TMEM181: variants seen among roughly 807,000 people sequenced by gnomAD.
TMEM181 encodes the protein transmembrane protein 181, also known as G protein-coupled receptor 178.
In TMEM181, 39 loss-of-function variants were observed where a neutral mutation model predicts 71.9. The ratio of observed to expected loss-of-function variants is 0.54; its 90% CI spans 0.42 to 0.71. The LOEUF (loss-of-function observed/expected upper bound fraction) is 0.71, where lower values mean the gene tolerates loss of function less well. Ranked by LOEUF, TMEM181 falls within the 30% of genes least tolerant of loss-of-function variation. TMEM181 has a pLI of 0.00. For missense variants in TMEM181, 595 were observed against 583.0 expected (o/e 1.02, Z -0.21); for synonymous variants, 245 against 228.8 (o/e 1.07, Z -0.64).
Position 158,580,810 on chromosome 6 carries a change from C to T in TMEM181, c.113-130C>T, listed in dbSNP as rs537030254. On this transcript the variant is annotated intron_variant, in intron 2 of 16. Transcript: ENST00000684151. ...ATCTTCTACTTACACATTGTATAAT[C>T]TCTAAAGAAAAACCAGGTGAATTAA... 1.8e-5 allele frequency: 13 copies of T among 731,834 alleles called. No individual in the cohort carries two copies. In the African/African-American group the frequency reaches 2.1e-4, roughly 12 times the overall value. The allele number at this position is 731,834 out of a possible 1,614,324, so 45.3% of individuals were successfully genotyped here. A position where few individuals can be genotyped will look rare whatever the true frequency, so the allele number is the denominator to read the frequency against.
At chr6:158,572,759 C>A (rs1782935267) in intron 1 of TMEM181, among the ~76,000 whole-genome samples, 1 of 152,268 alleles carries the variant, frequency 6.6e-6, no homozygotes, top group South Asian at 2.1e-4. Context: ...GTGAGTTTCC[C>A]TGTCTGTGTA....
intron 4 of TMEM181, 54 bp downstream of exon 4, chr6:158,584,098 T>G: frequency 1.4e-6 from 2 of 1,429,058 alleles, no homozygotes; most frequent in African/African-American, 1.4e-5. Context: ...AAACATCGTA[T>G]TTTAGATGTT....
At chr6:158,604,261 T>G (rs983190577) in intron 6 of TMEM181, among the ~76,000 whole-genome samples, 1 of 152,230 alleles carries the variant, frequency 6.6e-6, no homozygotes, top group Admixed American at 6.5e-5. Context: ...TTGTTTCCCA[T>G]CAGTCAGAGG....
rs184583636 is a variant in TMEM181 at position 158,596,245 on chromosome 6, G to A, written c.492+6463G>A. Among the ~76,000 whole-genome samples the A allele has an allele frequency of 1.3e-4, 20 of 152,242 alleles. No individual in the cohort carries two copies. The East Asian group carries it at 3.3e-3, about 25-fold the overall frequency. On this transcript the variant is annotated intron_variant, in intron 6 of 16. Transcript: ENST00000684151. The stretch of plus-strand genomic sequence containing the variant: ...AATACCTGTCCAATTCTTTATACAC[G>A]TTACCTTCAGTAGGAACTTAACGGT...
intron 1 of TMEM181, among the ~76,000 whole-genome samples, chr6:158,551,369 T>C (rs1781718945): frequency 6.6e-6 from 1 of 151,802 alleles, no homozygotes; most frequent in African/African-American, 2.4e-5. Flanking sequence ...TTTAATCCAC[T>C]GGTCCTACAG....
At chr6:158,601,135 T>G (rs1485355058) in intron 6 of TMEM181, among the ~76,000 whole-genome samples, 1 of 152,256 alleles carries the variant, frequency 6.6e-6, no homozygotes, top group East Asian at 1.9e-4. Flanking sequence ...ATTTAAATGC[T>G]GTAGCAATAA....
At chr6:158,568,272 A>G (rs1433742542) in intron 1 of TMEM181, among the ~76,000 whole-genome samples, 2 of 151,778 alleles carry the variant, frequency 1.3e-5, no homozygotes, top group African/African-American at 4.8e-5. Context: ...TCAGTTTGAA[A>G]CCTTTTGACC....
intron 3 of TMEM181, among the ~76,000 whole-genome samples, 192 bp from the exon 4 acceptor site, chr6:158,583,762 T>C (rs1783606167): frequency 6.6e-6 from 1 of 152,160 alleles, no homozygotes; most frequent in African/African-American, 2.4e-5. Flanking sequence ...ATCGCGCCAC[T>C]GCACTCTAGC....
At chr6:158,554,867 C>G (rs1182600947) in intron 1 of TMEM181, among the ~76,000 whole-genome samples, 2 of 152,172 alleles carry the variant, frequency 1.3e-5, no homozygotes, top group African/African-American at 4.8e-5. Context: ...AAAGTTGAAA[C>G]CTGTTCACAT....
rs1007146789 is a variant in TMEM181, at chr6:158,634,745, T to A, written c.*2857T>A. The stretch of plus-strand genomic sequence containing the variant: ...AGATTGCAATAAAAGCTTAGATACA[T>A]TTTGTAAACCCAACCCACTAAATGA... On this transcript the variant is annotated 3_prime_UTR_variant, in exon 17 of 17. Coordinates refer to ENST00000684151, the MANE Select transcript of TMEM181 (RefSeq NM_001376852.1). 6.6e-6 allele frequency: 1 copy of A among 152,182 alleles called. No homozygotes were observed. Among genetic ancestry groups the A allele is most frequent in the Admixed American group, 6.5e-5 (1 of 15,278 alleles). 9.4% of individuals were successfully genotyped at this position (152,182 alleles called of 1,614,324 possible).
chr6:158,619,296 G>A (rs1383731144), intron 10 of TMEM181, among the ~76,000 whole-genome samples: 2 of 152,138 alleles, frequency 1.3e-5, no homozygotes, highest in African/African-American at 4.8e-5. Flanking sequence ...GGCTACTGAA[G>A]CTTGTGCATG....
At chr6:158,536,908 G>C in intron 1 of TMEM181, 1 of 1,287,070 alleles carries the variant, frequency 7.8e-7, no homozygotes, top group Non-Finnish European at 9.9e-7. Context: ...GGAGGCTTCC[G>C]GGCCGCAGTC....
chr6:158,562,117 C>T (rs958341210), intron 1 of TMEM181, among the ~76,000 whole-genome samples: 14 of 152,132 alleles, frequency 9.2e-5, no homozygotes, highest in African/African-American at 3.1e-4. Context: ...GGGGACCGTC[C>T]CCCTGCAGAC....
rs372841519 is a variant in TMEM181, at chr6:158,610,083, C to T, written c.896+1333C>T. 6.4e-5 allele frequency: 14 copies of T among 220,154 alleles called. No individual in the cohort carries two copies. The South Asian group carries it at 1.0e-3, about 16-fold the overall frequency. 13.6% of individuals were successfully genotyped at this position (220,154 alleles called of 1,614,324 possible). ...CTCATGGTGTCCAGCAGATCCTCGT[C>T]AGCTTGCTGGCAGAGGATCACCAAA... is the stretch of plus-strand genomic sequence containing the variant. On this transcript the variant is annotated intron_variant, in intron 10 of 16. Transcript: ENST00000684151.
At chr6:158,579,877 A>G (rs1176027584) in intron 2 of TMEM181, among the ~76,000 whole-genome samples, 1 of 152,240 alleles carries the variant, frequency 6.6e-6, no homozygotes, top group Non-Finnish European at 1.5e-5. Context: ...AGTTAAAATC[A>G]TCAAGACAGA....
At chr6:158,605,829 T>C (rs760743425) in intron 7 of TMEM181, among the ~76,000 whole-genome samples, 5 of 151,378 alleles carry the variant, frequency 3.3e-5, no homozygotes, top group Non-Finnish European at 7.4e-5. Context: ...CAAACCCACA[T>C]GACTTTGGGG....
chr6:158,536,990 G>A lies in TMEM181; in HGVS notation c.131+125G>A, dbSNP rs1250471277. On this transcript the variant is annotated intron_variant, in intron 1 of 16. Transcript: ENST00000367090. ...CGGCCGCCTCCGCCGGCCGGGCGCGGAGCCTACGGATGGGGACGGGGTCGG... is the reference window on the plus strand; with the variant it reads ...CGGCCGCCTCCGCCGGCCGGGCGCGAAGCCTACGGATGGGGACGGGGTCGG... 3.9e-5 allele frequency: 23 copies of A among 590,784 alleles called. No individual in the cohort carries two copies. In the South Asian group the frequency reaches 1.6e-3, roughly 41 times the overall value. 36.6% of individuals were successfully genotyped at this position (590,784 alleles called of 1,614,324 possible).
At chr6:158,571,720 AG>A (rs1782860518) in intron 1 of TMEM181, among the ~76,000 whole-genome samples, 1 of 152,248 alleles carries the variant, frequency 6.6e-6, no homozygotes, top group African/African-American at 2.4e-5. Context: ...CACACTTTGC[AG>A]GGCTTGCCCA....
intron 1 of TMEM181, among the ~76,000 whole-genome samples, chr6:158,562,603 A>G (rs1782253478): frequency 6.6e-6 from 1 of 152,096 alleles, no homozygotes; most frequent in African/African-American, 2.4e-5. Context: ...GGCACAGACA[A>G]ATTAAGTATC....
Sources: gnomAD v4.1 joint callset for allele counts (sites outside exome capture counted in the v4.1 genomes callset) on GRCh38, gnomAD v4.1.1 for gene constraint, MANE v1.5 for transcripts, NCBI Gene and HGNC (gene_info 2026-07-23, HGNC 2026-07-21) for gene names.